TDRD3: variants seen among roughly 807,000 people sequenced by gnomAD.
The protein encoded by TDRD3 is tudor domain containing 3.
TDRD3 carries 45 observed loss-of-function variants against 86.7 expected under a neutral mutation model. That is an observed-to-expected ratio of 0.52 (90% confidence interval 0.41 to 0.67). TDRD3 has a LOEUF of 0.67. TDRD3 is among the 30% of genes least tolerant of loss of function. The pLI, the probability that TDRD3 is intolerant of heterozygous loss-of-function variation, is 0.00. For missense variants in TDRD3, 814 were observed against 889.0 expected (o/e 0.92, Z 1.07); for synonymous variants, 298 against 301.7 (o/e 0.99, Z 0.13).
In TDRD3 at chr13:60,523,164, TAAA is replaced by T. The variant is rs765241166; in HGVS notation, c.1142-5201_1142-5199del. Among the ~76,000 whole-genome samples the T allele has an allele frequency of 5.9e-5, 9 of 152,308 alleles. No individual in the cohort carries two copies. The South Asian group carries it at 8.3e-4, about 14-fold the overall frequency. ...ATTTCTTCAGGTAGGTGTATCAGAATAAAATGAGGATTAGTCTTGGGAAACAAA... is the reference window on the plus strand; with the variant it reads ...ATTTCTTCAGGTAGGTGTATCAGAATATGAGGATTAGTCTTGGGAAACAAA... On this transcript the variant is annotated intron_variant, in intron 10 of 13. Coordinates refer to ENST00000377881, the MANE Select transcript of TDRD3 (RefSeq NM_001146070.2).
rs191447869 is a variant in TDRD3, at chr13:60,465,494, A to G, written c.354-1744A>G. Among the ~76,000 whole-genome samples, 9 of 152,294 alleles carry G rather than the reference A, an allele frequency of 5.9e-5. No homozygotes were observed. In the East Asian group the frequency reaches 1.7e-3, roughly 29 times the overall value. ...ATGACCATTTGTTTTGTCAGTTGTG[A>G]TTGATCACTAAAAATGATTAAGCTT... On this transcript the variant is annotated intron_variant, in intron 4 of 13. Coordinates refer to ENST00000377881, the MANE Select transcript of TDRD3 (RefSeq NM_001146070.2).
intron 7 of TDRD3, among the ~76,000 whole-genome samples, chr13:60,486,299 A>T (rs1371803779): frequency 2.0e-5 from 3 of 152,056 alleles, no homozygotes; most frequent in Non-Finnish European, 4.4e-5. Flanking sequence ...TTTTTTGGGG[A>T]TAATTTCCCC....
At chr13:60,406,025 G>A (rs12431300) in intron 1 of TDRD3, among the ~76,000 whole-genome samples, 1 of 152,302 alleles carries the variant, frequency 6.6e-6, no homozygotes, top group East Asian at 1.9e-4. Flanking sequence ...TTACAATTCA[G>A]TTAGGGACTG....
At chr13:60,448,039 A>G (rs1350448196) in intron 3 of TDRD3, among the ~76,000 whole-genome samples, 1 of 152,132 alleles carries the variant, frequency 6.6e-6, no homozygotes, top group Non-Finnish European at 1.5e-5. Flanking sequence ...AGATTAAAGG[A>G]GTGTAGAGAC....
rs981835181 is a variant in TDRD3 at position 60,551,625 on chromosome 13, T to G, written c.2119-15900T>G. On this transcript the variant is annotated intron_variant, in intron 12 of 13. Coordinates refer to ENST00000377881, the MANE Select transcript of TDRD3 (RefSeq NM_001146070.2). ...AGACTAATTCCTTTTCCTTTTATTT[T>G]TTCTGTTAAAATTTTCTTTTCTGTT... is the stretch of plus-strand genomic sequence containing the variant. 9.8e-4 allele frequency among the ~76,000 whole-genome samples: 150 copies of G among 152,314 alleles called. 2 individuals are homozygous for G. The highest frequency in any genetic ancestry group is 6.0e-4 in the Non-Finnish European group (41 of 68,028).
intron 3 of TDRD3, among the ~76,000 whole-genome samples, chr13:60,450,798 A>G (rs892584749): frequency 6.6e-6 from 1 of 152,168 alleles, no homozygotes; most frequent in Non-Finnish European, 1.5e-5. Context: ...GGTGTGTACA[A>G]TAAAGGGGCA....
intron 1 of TDRD3, among the ~76,000 whole-genome samples, chr13:60,419,731 A>G (rs1204038482): frequency 1.3e-5 from 2 of 152,118 alleles, no homozygotes; most frequent in Non-Finnish European, 2.9e-5. Flanking sequence ...GCAAACCACC[A>G]TGGCACATGT....
At chr13:60,438,154 C>T (rs1406668074) in intron 1 of TDRD3, among the ~76,000 whole-genome samples, 2 of 151,878 alleles carry the variant, frequency 1.3e-5, no homozygotes, top group African/African-American at 2.4e-5. Context: ...TTCACATAAG[C>T]GGGGCATAAT....
intron 5 of TDRD3, among the ~76,000 whole-genome samples, chr13:60,479,332 T>C (rs1956263772): frequency 6.6e-6 from 1 of 152,242 alleles, no homozygotes; most frequent in Non-Finnish European, 1.5e-5. Flanking sequence ...TGTTGATTTC[T>C]ATTTTTAATG....
chr13:60,399,964 T>C (rs1339033614), intron 1 of TDRD3, among the ~76,000 whole-genome samples: 1 of 152,230 alleles, frequency 6.6e-6, no homozygotes, highest in African/African-American at 2.4e-5. Context: ...TTAGAACCCC[T>C]ATAAAAATCA....
intron 8 of TDRD3, among the ~76,000 whole-genome samples, chr13:60,498,281 G>A (rs1299771149): frequency 6.6e-6 from 1 of 152,162 alleles, no homozygotes; most frequent in African/African-American, 2.4e-5. Context: ...CTGTATGTCA[G>A]AGCTAACAGT....
In TDRD3 at chr13:60,520,128, G is replaced by A. The variant is rs117364885; in HGVS notation, c.1142-8239G>A. On this transcript the variant is annotated intron_variant, in intron 10 of 13. Coordinates refer to ENST00000377881, the MANE Select transcript of TDRD3 (RefSeq NM_001146070.2). ...TGGGCATCATAAATATGTTTATTTT[G>A]AGCTTAGTCTTCAATTTAATATGTG... is the stretch of plus-strand genomic sequence containing the variant. Among the ~76,000 whole-genome samples, 370 of 152,190 alleles carry A rather than the reference G, an allele frequency of 2.4e-3. 2 individuals carry two copies. The highest frequency in any genetic ancestry group is 6.8e-3 in the Middle Eastern group (2 of 294).
chr13:60,541,367 A>G (rs1236704587), intron 12 of TDRD3, among the ~76,000 whole-genome samples: 1 of 152,036 alleles, frequency 6.6e-6, no homozygotes, highest in East Asian at 1.9e-4. Context: ...GGGTTTCACC[A>G]TGTTGGCCAG....
chr13:60,417,284 C>T (rs914801773), intron 1 of TDRD3, among the ~76,000 whole-genome samples: 4 of 151,248 alleles, frequency 2.6e-5, no homozygotes, highest in Admixed American at 6.6e-5. Context: ...CCAAAGTGCT[C>T]GGATTACAGG....
At chr13:60,416,132 G>C (rs1305039841) in intron 1 of TDRD3, among the ~76,000 whole-genome samples, 1 of 152,092 alleles carries the variant, frequency 6.6e-6, no homozygotes, top group Non-Finnish European at 1.5e-5. Flanking sequence ...ATTTAACATG[G>C]TACAATATCA....
intron 1 of TDRD3, among the ~76,000 whole-genome samples, chr13:60,419,912 TA>T (rs1265840220): frequency 1.3e-5 from 2 of 152,170 alleles, no homozygotes; most frequent in Non-Finnish European, 2.9e-5. Context: ...CAGGAATTTT[TA>T]AAAATTATTT....
At position 60,397,382 on chromosome 13, in the gene TDRD3, C is replaced by T. The variant is rs774448796; in HGVS notation, c.18C>T (p.Gly6=). 1.7e-5 allele frequency: 26 copies of T among 1,496,692 alleles called. No individual in the cohort carries two copies. In the South Asian group the frequency reaches 3.1e-4, roughly 18 times the overall value. 92.7% of individuals were successfully genotyped at this position (1,496,692 alleles called of 1,614,324 possible). ...CAGCTACCATGGCCCAGGTGGCCGG[C>T]GCGGCGTTGTCCCAGGCGGGTTGGT... MAQVA[G]AALSQAGWYL... is the part of the protein sequence containing the mutation. The change falls in exon 1 of 14, where the codon GGC becomes GGT. Residue 6 remains glycine (G), a synonymous_variant. Coordinates refer to ENST00000377881, the MANE Select transcript of TDRD3 (RefSeq NM_001146070.2).
intron 10 of TDRD3, among the ~76,000 whole-genome samples, chr13:60,517,167 T>C (rs1015015999): frequency 1.3e-5 from 2 of 151,102 alleles, no homozygotes; most frequent in Admixed American, 1.3e-4. Flanking sequence ...GGAAGGTGTC[T>C]TTTTGGCTTT....
At chr13:60,507,872 C>T (rs1269257517) in intron 8 of TDRD3, among the ~76,000 whole-genome samples, 1 of 152,160 alleles carries the variant, frequency 6.6e-6, no homozygotes, top group Non-Finnish European at 1.5e-5. Context: ...ATTTAGAAAA[C>T]CTCATTGTCT....
Sources: allele counts gnomAD v4.1 joint callset (sites outside exome capture counted in the v4.1 genomes callset), GRCh38; gene constraint gnomAD v4.1.1; transcripts MANE v1.5; gene names NCBI Gene and HGNC (gene_info 2026-07-23, HGNC 2026-07-21).